Variants in GLG1 observed in about 807,000 individuals in gnomAD.
The protein encoded by GLG1 is golgi glycoprotein 1, also known as Golgi apparatus protein 1.
GLG1 carries 38 observed loss-of-function variants against 160.5 expected under a neutral mutation model. That is an observed-to-expected ratio of 0.24 (90% CI 0.18 to 0.31). GLG1 has a LOEUF of 0.31. Among genes scored for constraint, GLG1 ranks in the 10% least tolerant of loss-of-function variants. The pLI is 1.00. For missense variants in GLG1, 1,373 were observed against 1,505.2 expected (o/e 0.91, Z 1.45); for synonymous variants, 644 against 543.4 (o/e 1.19, Z -2.57).
intron 2 of GLG1, among the ~76,000 whole-genome samples, chr16:74,509,161 C>T (rs912235960): frequency 4.2e-5 from 5 of 118,106 alleles, no homozygotes; most frequent in African/African-American, 1.3e-4. Context: ...TACTAAAGGA[C>T]AATTTTTTTT....
intron 1 of GLG1, among the ~76,000 whole-genome samples, chr16:74,590,522 G>T (rs1440598476): frequency 6.6e-6 from 1 of 151,060 alleles, no homozygotes; most frequent in Non-Finnish European, 1.5e-5. Context: ...TCAGAAGGCT[G>T]AGGCAGGAGA....
intron 1 of GLG1, among the ~76,000 whole-genome samples, chr16:74,562,788 T>C (rs1221655059): frequency 6.6e-6 from 1 of 152,168 alleles, no homozygotes; most frequent in African/African-American, 2.4e-5. Context: ...AGGAAGCTTT[T>C]CATGACCCAC....
At chr16:74,570,629 C>T (rs890392106) in intron 1 of GLG1, among the ~76,000 whole-genome samples, 6 of 152,152 alleles carry the variant, frequency 3.9e-5, no homozygotes, top group African/African-American at 1.4e-4. Context: ...GGCACAGTGG[C>T]TCTCATCTGT....
At chr16:74,588,774 T>C (rs986716520) in intron 1 of GLG1, among the ~76,000 whole-genome samples, 3 of 152,160 alleles carry the variant, frequency 2.0e-5, no homozygotes, top group African/African-American at 7.2e-5. Context: ...TCGTGGTTTT[T>C]CACCTGTAAA....
intron 1 of GLG1, among the ~76,000 whole-genome samples, chr16:74,540,586 T>C (rs1486187472): frequency 1.3e-5 from 2 of 151,706 alleles, no homozygotes; most frequent in Non-Finnish European, 2.9e-5. Flanking sequence ...TTTTTAAGTC[T>C]GCTGGGACTA....
Position 74,606,945 on chromosome 16 carries a change from T to C in GLG1, c.150A>G (p.Val50=). ...CCGGGCCGCCGCCTCCGGCCTGCCC[T>C]ACGAAGGACACAAAGTTGGCCCCGG... ...QGPGANFVSF[V]GQAGGGGPAG... Residue 50 remains valine (V), a synonymous_variant, in exon 1 of 26, where the codon GTA becomes GTG. Transcript: ENST00000422840. 1 of 1,609,096 alleles carries C rather than the reference T, an allele frequency of 6.2e-7. No individual in the cohort carries two copies. The highest frequency in any genetic ancestry group is 1.1e-5 in the South Asian group (1 of 90,746).
In GLG1 at chr16:74,496,547, C is replaced by T; in HGVS notation, c.872G>A (p.Cys291Tyr). ...AGCCACCCGGAGAATGGCTTTCTTG[C>T]AGAGTTCAGAAACTTGAATCTTGGG... ...REPKIQVSEL[C>Y]KKAILRVAEL... The change falls in exon 5 of 26, where the codon TGC becomes TAC. Residue 291 changes from cysteine (C) to tyrosine (Y), a missense_variant. This residue lies in a region of GLG1 where 174 missense variants were observed against 229.9 expected (regional missense o/e 0.76). Coordinates refer to ENST00000422840, the MANE Select transcript of GLG1 (RefSeq NM_001145667.2). 1 of 1,613,590 alleles carries T rather than the reference C, an allele frequency of 6.2e-7. No homozygotes were observed. Among genetic ancestry groups the T allele is most frequent in the Non-Finnish European group, 8.5e-7 (1 of 1,179,540 alleles).
chr16:74,554,137 CA>C (rs1414549341), intron 1 of GLG1, among the ~76,000 whole-genome samples: 2 of 152,082 alleles, frequency 1.3e-5, no homozygotes, highest in Admixed American at 1.3e-4. Context: ...ACCTTTCGCA[CA>C]AAATCAGTCA....
At chr16:74,496,029 C>T (rs1285634036) in intron 5 of GLG1, among the ~76,000 whole-genome samples, 1 of 152,118 alleles carries the variant, frequency 6.6e-6, no homozygotes, top group Non-Finnish European at 1.5e-5. Context: ...CTTTCAGAGA[C>T]AGAGGGAGGA....
intron 3 of GLG1, among the ~76,000 whole-genome samples, chr16:74,505,279 G>T (rs1351807089): frequency 3.9e-5 from 6 of 152,198 alleles, no homozygotes; most frequent in Admixed American, 3.3e-4. Flanking sequence ...GTTCAGAAAA[G>T]AAAGTTGTGT....
At chr16:74,540,403 C>A (rs1018054840) in intron 1 of GLG1, among the ~76,000 whole-genome samples, 13 of 151,374 alleles carry the variant, frequency 8.6e-5, no homozygotes, top group African/African-American at 1.7e-4. Context: ...TATTTTACTA[C>A]CAGGAATTAG....
At chr16:74,511,126 T>A (rs2143503777) in intron 2 of GLG1, among the ~76,000 whole-genome samples, 1 of 152,022 alleles carries the variant, frequency 6.6e-6, no homozygotes, top group African/African-American at 2.4e-5. Flanking sequence ...AACCCAAGAA[T>A]AACGGGGAAT....
intron 1 of GLG1, among the ~76,000 whole-genome samples, chr16:74,536,509 G>C (rs904583914): frequency 6.6e-6 from 1 of 152,174 alleles, no homozygotes; most frequent in African/African-American, 2.4e-5. Context: ...TTACAATCCA[G>C]TTATACAGTT....
chr16:74,493,485 A>G (rs1893804121), intron 6 of GLG1, among the ~76,000 whole-genome samples: 1 of 152,218 alleles, frequency 6.6e-6, no homozygotes, highest in African/African-American at 2.4e-5. Context: ...CATAAATTTC[A>G]CTAGCATCAA....
chr16:74,535,377 A>T (rs2017660896), intron 1 of GLG1, among the ~76,000 whole-genome samples: 2 of 152,252 alleles, frequency 1.3e-5, no homozygotes, highest in Non-Finnish European at 2.9e-5. Context: ...CTTGCTTTTC[A>T]TCTCTTTTGC....
intron 20 of GLG1, 96 bp downstream of exon 20, chr16:74,463,260 C>A: frequency 2.4e-6 from 3 of 1,228,226 alleles, no homozygotes; most frequent in Admixed American, 2.0e-5. Context: ...AATTCCCAGG[C>A]AACAAAGCCC....
chr16:74,466,942 G>C (rs2015020907), intron 18 of GLG1, among the ~76,000 whole-genome samples: 5 of 152,236 alleles, frequency 3.3e-5, no homozygotes, highest in Admixed American at 3.3e-4. Flanking sequence ...GAAAGGGAAA[G>C]CAGTATGTGA....
intron 4 of GLG1, among the ~76,000 whole-genome samples, chr16:74,502,704 C>T (rs534545996): frequency 3.4e-5 from 5 of 146,846 alleles, no homozygotes; most frequent in African/African-American, 1.0e-4. Flanking sequence ...CCACCACGCC[C>T]GGCTAATTTT....
At chr16:74,560,105 A>C (rs187631471) in intron 1 of GLG1, among the ~76,000 whole-genome samples, 128 of 152,302 alleles carry the variant, frequency 8.4e-4, no homozygotes, top group Non-Finnish European at 1.6e-3. Flanking sequence ...GCGTTTCGCC[A>C]AACATTGTTC....
Sources: allele counts gnomAD v4.1 joint callset (sites outside exome capture counted in the v4.1 genomes callset), GRCh38; gene constraint gnomAD v4.1.1; regional missense constraint gnomAD v4.1.1; transcripts MANE v1.5; gene names NCBI Gene and HGNC (gene_info 2026-07-23, HGNC 2026-07-21).